Variants in ZNF273 observed in about 807,000 individuals in gnomAD.
ZNF273 encodes the protein zinc finger protein 9.
Under a neutral mutation model 14.9 loss-of-function variants are expected in ZNF273, and 11 were observed. The observed-to-expected ratio is 0.74, with a 90% CI of 0.46 to 1.22. The LOEUF is 1.22. Ranked by LOEUF, ZNF273 falls within the 50% of genes most tolerant of loss-of-function variation. The pLI is 0.00. For missense variants in ZNF273, 577 were observed against 660.6 expected, an observed-to-expected ratio of 0.87 and a Z score of 1.39; for synonymous variants, 199 against 223.9, an observed-to-expected ratio of 0.89 and a Z score of 0.99.
At chr7:64,893,926 T>C (rs1004721338), downstream of ZNF273, 76 of 152,242 alleles carry the variant, frequency 5.0e-4, no homozygotes, top group African/African-American at 1.7e-3. Flanking sequence ...AAATAAAAAG[T>C]CATTTCTCAT....
At chr7:64,912,422 G>A (rs1044745673) in intron 1 of ZNF273, among the ~76,000 whole-genome samples, 15 of 152,236 alleles carry the variant, frequency 9.9e-5, no homozygotes, top group African/African-American at 2.4e-4. Context: ...TGCTAGAATC[G>A]AAGTCTCTTC....
intron 2 of ZNF273, 108 bp downstream of exon 2, chr7:64,917,815 A>T: frequency 1.6e-6 from 2 of 1,216,260 alleles, no homozygotes; most frequent in East Asian, 5.9e-5. Flanking sequence ...CCTATTTTCA[A>T]CAAAATCCTG....
intron 1 of ZNF273, among the ~76,000 whole-genome samples, chr7:64,913,932 A>C (rs1414083109): frequency 6.6e-6 from 1 of 150,680 alleles, no homozygotes; most frequent in Non-Finnish European, 1.5e-5. Context: ...CCCTTTCCAC[A>C]AGTTCTGTTT....
At chr7:64,902,500 C>G (rs1317211317), upstream of ZNF273, among the ~76,000 whole-genome samples, 1 of 152,174 alleles carries the variant, frequency 6.6e-6, no homozygotes, top group Non-Finnish European at 1.5e-5. Context: ...GAAGCCGAGG[C>G]GGGTGGATCA....
chr7:64,918,380 G>A lies in ZNF273; in HGVS notation c.325+88G>A. On this transcript the variant is annotated intron_variant, in intron 3 of 3. Coordinates refer to ENST00000476120, the MANE Select transcript of ZNF273 (RefSeq NM_021148.3). ...AAAGTCAGTTCTTAAAATGTGATTT[G>A]GGCCAGGCGCGGTGGCTCACGTCTG... 7 of 1,340,646 alleles carry A rather than the reference G, an allele frequency of 5.2e-6. No homozygotes were observed. The South Asian group carries it at 8.2e-5, about 16-fold the overall frequency. The allele number at this position is 1,340,646 out of a possible 1,614,324, so 83.0% of individuals were successfully genotyped here. A position where few individuals can be genotyped will look rare whatever the true frequency, so the allele number is the denominator to read the frequency against.
the ZNF273 span, among the ~76,000 whole-genome samples, chr7:64,936,679 T>C: frequency 6.6e-6 from 1 of 152,190 alleles, no homozygotes; most frequent in Non-Finnish European, 1.5e-5. Flanking sequence ...TTGAATGAGA[T>C]AAAAGTCTTC....
At chr7:64,918,390 C>T (rs62455575) in intron 3 of ZNF273, 98 bp downstream of exon 3, 62,069 of 1,217,914 alleles carry the variant, frequency 0.051, 1,887 homozygotes, top group East Asian at 0.15. Flanking sequence ...GGGCCAGGCG[C>T]GGTGGCTCAC....
intron 1 of ZNF273, chr7:64,878,005 CGTGT>C (rs144331285): frequency 3.3e-5 from 5 of 150,604 alleles, no homozygotes; most frequent in Non-Finnish European, 5.9e-5. Flanking sequence ...TGGATGTCTG[CGTGT>C]GTGTGTGTGT....
chr7:64,902,484 C>T (rs1234211938), upstream of ZNF273, among the ~76,000 whole-genome samples: 1 of 152,232 alleles, frequency 6.6e-6, no homozygotes, highest in East Asian at 1.9e-4. Context: ...AATCCCAGCA[C>T]TTTGGGAAGC....
At chr7:64,880,876 G>A (rs554482424), downstream of ZNF273, among the ~76,000 whole-genome samples, 7 of 152,178 alleles carry the variant, frequency 4.6e-5, no homozygotes, top group South Asian at 1.2e-3. Context: ...CTCGATTTTG[G>A]TTCTCAATCG....
chr7:64,902,499 G>A (rs1221645268), upstream of ZNF273, among the ~76,000 whole-genome samples: 3 of 152,224 alleles, frequency 2.0e-5, no homozygotes, highest in African/African-American at 7.2e-5. Context: ...GGAAGCCGAG[G>A]CGGGTGGATC....
intron 1 of ZNF273, among the ~76,000 whole-genome samples, chr7:64,904,118 C>T (rs1030723770): frequency 1.3e-5 from 2 of 152,132 alleles, no homozygotes; most frequent in Non-Finnish European, 2.9e-5. Context: ...GACAGAGTCT[C>T]ACACTGTCGC....
chr7:64,923,341 T>TTTTTTA (rs1562963822), intron 3 of ZNF273: 1 of 455,468 alleles, frequency 2.2e-6, no homozygotes, highest in Admixed American at 2.4e-5. Flanking sequence ...GTGTGTGTGT[T>TTTTTTA]TTTTTATTTT....
rs534715396 is a variant in ZNF273, at chr7:64,903,339, C to A, written c.22C>A (p.Pro8Thr). MSSAPRG[P>T]PSVAPLPAGI... ...CTCTATGTCCTCTGCTCCTAGAGGT[C>A]CACCTTCTGTGGCCCCGTTACCTGC... Residue 8 changes from proline (P) to threonine (T), a missense_variant, in exon 1 of 4, where the codon CCA becomes ACA. By Grantham distance (38) the Pro-to-Thr change is conservative (BLOSUM62 -1). Coordinates refer to ENST00000476120, the MANE Select transcript of ZNF273 (RefSeq NM_021148.3). 1 of 1,613,268 alleles carries A rather than the reference C, an allele frequency of 6.2e-7. No homozygotes were observed. The highest frequency in any genetic ancestry group is 1.7e-5 in the Admixed American group (1 of 59,998).
intron 3 of ZNF273, among the ~76,000 whole-genome samples, chr7:64,921,457 C>T (rs913913940): frequency 6.6e-6 from 1 of 151,924 alleles, no homozygotes; most frequent in Non-Finnish European, 1.5e-5. Context: ...GTATTTCCTG[C>T]TTCACTTTTG....
downstream of ZNF273, among the ~76,000 whole-genome samples, chr7:64,935,768 C>T (rs1259456821): frequency 6.6e-6 from 1 of 152,136 alleles, no homozygotes; most frequent in Non-Finnish European, 1.5e-5. Context: ...GTAATCCACT[C>T]ACCTCAGCCT....
downstream of ZNF273, among the ~76,000 whole-genome samples, chr7:64,932,374 G>T (rs773179453): frequency 6.6e-6 from 1 of 151,916 alleles, no homozygotes; most frequent in South Asian, 2.1e-4. Flanking sequence ...GCAATGGCGC[G>T]ATCTTGGCTC....
chr7:64,900,636 C>T (rs1195083989), upstream of ZNF273, among the ~76,000 whole-genome samples: 1 of 152,086 alleles, frequency 6.6e-6, no homozygotes, highest in Admixed American at 6.5e-5. Flanking sequence ...GCTGGCCAGG[C>T]AGAGAATCCA....
At chr7:64,926,230 G>A (rs868027831) in intron 3 of ZNF273, among the ~76,000 whole-genome samples, 80 of 146,064 alleles carry the variant, frequency 5.5e-4, no homozygotes, top group African/African-American at 1.7e-3. Flanking sequence ...CTAATTCACT[G>A]GTTTTCTCAT....
Sources: allele counts gnomAD v4.1 joint callset (sites outside exome capture counted in the v4.1 genomes callset), GRCh38; gene constraint gnomAD v4.1.1; transcripts MANE v1.5; gene names NCBI Gene and HGNC (gene_info 2026-07-23, HGNC 2026-07-21).